UCKL1: variants seen among roughly 807,000 people sequenced by gnomAD.
The protein encoded by UCKL1 is uridine-cytidine kinase 1 like 1.
In UCKL1, 65 loss-of-function variants were observed where a neutral mutation model predicts 59.2. That is an observed-to-expected ratio of 1.10 (90% CI 0.90 to 1.35). The LOEUF (loss-of-function observed/expected upper bound fraction) is 1.35, where lower values mean the gene tolerates loss of function less well. Among genes scored for constraint, UCKL1 ranks in the 40% most tolerant of loss-of-function variants. The probability of loss-of-function intolerance (pLI) is 0.00; values close to 1 mark genes in which losing one functional copy is unlikely to be tolerated. For missense variants in UCKL1, 703 were observed against 784.3 expected (o/e 0.90, Z 1.24); for synonymous variants, 410 against 323.1 (o/e 1.27, Z -2.88).
At chr20:63,947,115 G>A (rs1351964649) in intron 1 of UCKL1, among the ~76,000 whole-genome samples, 1 of 152,012 alleles carries the variant, frequency 6.6e-6, no homozygotes, top group Non-Finnish European at 1.5e-5. Flanking sequence ...CCTGCAGCTG[G>A]GCCACAGGAC....
At chr20:63,946,000 C>T in intron 3 of UCKL1, 25 bp from the exon 4 acceptor site, 1 of 1,613,426 alleles carries the variant, frequency 6.2e-7, no homozygotes, top group South Asian at 1.1e-5. Flanking sequence ...TGTGGAGCAG[C>T]TGTGGGCACA....
At chr20:63,945,285 C>T (rs1046379999) in intron 5 of UCKL1, among the ~76,000 whole-genome samples, 3 of 152,296 alleles carry the variant, frequency 2.0e-5, no homozygotes, top group South Asian at 2.1e-4. Flanking sequence ...ACCTGAGTCA[C>T]ACTCAGCTGT....
In UCKL1 at chr20:63,945,879, T is replaced by C; in HGVS notation, c.508A>G (p.Lys170Glu). The C allele has an allele frequency of 6.2e-7, 1 of 1,613,736 alleles. No individual in the cohort carries two copies. Reference protein sequence around the residue: ...FDFDLIISTLKKLKQGKSVKV... With the variant: ...FDFDLIISTLEKLKQGKSVKV... ...ACACTCTTCCCCTGCTTCAGCTTCT[T>C]GAGGGTGGAAATGATGAGGTCGAAG... The change falls in exon 4 of 15, where the codon AAG (lysine) becomes GAG (glutamate). Residue 170 changes from lysine (K) to glutamate (E), a missense_variant. Coordinates refer to ENST00000354216, the MANE Select transcript of UCKL1 (RefSeq NM_017859.4).
rs150240999 is a variant in UCKL1 at position 63,943,964 on chromosome 20, T to C, written c.907-295A>G. Among the ~76,000 whole-genome samples, 52 of 152,212 alleles carry C rather than the reference T, an allele frequency of 3.4e-4. 1 individual carries two copies. In the East Asian group the frequency reaches 4.1e-3, roughly 12 times the overall value. On this transcript the variant is annotated intron_variant, in intron 7 of 14. Coordinates refer to ENST00000354216, the MANE Select transcript of UCKL1 (RefSeq NM_017859.4). Reference sequence around the variant, plus strand: ...CCACTCAGGCTCCAAGGCCCAGCCATAGAATGCCTCAGGGAGCAGGGGACC... The same window carrying C: ...CCACTCAGGCTCCAAGGCCCAGCCACAGAATGCCTCAGGGAGCAGGGGACC...
intron 1 of UCKL1, among the ~76,000 whole-genome samples, chr20:63,947,036 G>A (rs547191945): frequency 1.6e-3 from 245 of 151,918 alleles, no homozygotes; most frequent in Non-Finnish European, 2.6e-3. Flanking sequence ...ATGAGCTATC[G>A]TGCCACTGCA....
chr20:63,951,455 G>A (rs554078004), intron 1 of UCKL1, among the ~76,000 whole-genome samples: 29 of 152,288 alleles, frequency 1.9e-4, no homozygotes, highest in African/African-American at 6.5e-4. Context: ...TATCTGAGGC[G>A]CCTCTTGGCC....
In UCKL1 at chr20:63,940,067, G is replaced by GGT; in HGVS notation, c.1568-13_1568-12insAC. ...GTCGCCAAAGTTCCCTGGAAAAAGGGGGGGGGGGGTCCAGTGTGGTGGGGC... is the reference window on the plus strand; with the variant it reads ...GTCGCCAAAGTTCCCTGGAAAAAGGGGTGGGGGGGGGTCCAGTGTGGTGGGGC... On this transcript the variant is annotated splice_polypyrimidine_tract_variant and intron_variant, in intron 14 of 14. Transcript: ENST00000354216. 8.7e-7 allele frequency: 1 copy of GGT among 1,147,090 alleles called. No homozygotes were observed. Among genetic ancestry groups the GGT allele is most frequent in the Non-Finnish European group, 1.2e-6 (1 of 836,216 alleles). 71.1% of individuals were successfully genotyped at this position (1,147,090 alleles called of 1,614,324 possible). A position where few individuals can be genotyped will look rare whatever the true frequency, so the allele number is the denominator to read the frequency against.
In UCKL1 at chr20:63,946,646, G is replaced by T; in HGVS notation, c.114-3C>A. 1 of 1,606,334 alleles carries T rather than the reference G, an allele frequency of 6.2e-7. No individual in the cohort carries two copies. ...TGTCCAGGGACTCTGCATTGCTGCT[G>T]CAGAGAGGGATGTACTCGGATGTGG... On this transcript the variant is annotated splice_region_variant and splice_polypyrimidine_tract_variant and intron_variant, in intron 1 of 14. Coordinates refer to ENST00000354216, the MANE Select transcript of UCKL1 (RefSeq NM_017859.4).
intron 5 of UCKL1, among the ~76,000 whole-genome samples, chr20:63,944,964 G>A (rs1035569655): frequency 1.1e-4 from 17 of 152,186 alleles, no homozygotes; most frequent in Non-Finnish European, 2.1e-4. Context: ...AAGGAGTGGG[G>A]AGGTGGGGGT....
intron 7 of UCKL1, 118 bp from the exon 8 acceptor site, chr20:63,943,787 G>T: frequency 6.9e-7 from 1 of 1,446,438 alleles, no homozygotes; most frequent in Non-Finnish European, 9.5e-7. Context: ...GACACAGCCA[G>T]CCATGGGGGG....
intron 5 of UCKL1, 114 bp from the exon 6 acceptor site, chr20:63,944,848 C>T (rs1438026501): frequency 4.6e-6 from 6 of 1,297,488 alleles, no homozygotes; most frequent in Non-Finnish European, 6.3e-6. Context: ...AGAGCCACTT[C>T]CCCAGGGCAC....
intron 1 of UCKL1, chr20:63,953,917 C>T (rs2058111097): frequency 6.6e-6 from 1 of 152,536 alleles, no homozygotes; most frequent in Non-Finnish European, 1.5e-5. Context: ...GCCTGTTCTA[C>T]CACCCCTGGG....
At chr20:63,946,409 A>G (rs2056221512) in intron 2 of UCKL1, 44 bp downstream of exon 2, 2 of 1,513,430 alleles carry the variant, frequency 1.3e-6, no homozygotes, top group South Asian at 2.6e-5. Context: ...GGGGAGCCGG[A>G]GGCAGGCGTC....
At chr20:63,942,563 GAACA>G in intron 8 of UCKL1, 1 of 979,644 alleles carries the variant, frequency 1.0e-6, no homozygotes, top group Non-Finnish European at 1.4e-6. Flanking sequence ...AGAAGGAAGA[GAACA>G]AAGAGAAGGC....
rs1460916906 is a variant in UCKL1, at chr20:63,940,835, G to A, written c.1138C>T (p.Gln380Ter). 6.4e-7 allele frequency: 1 copy of A among 1,561,628 alleles called. No individual in the cohort carries two copies. Among genetic ancestry groups the A allele is most frequent in the Non-Finnish European group, 8.7e-7 (1 of 1,154,172 alleles). ...CACTTGCCCGCATAGTCCTGCCCCT[G>A]CGGGGTCTGTACGACGCAGTCCTGT... ...PFQDCVVQTP[Q>*]GQDYAGKCYA... Residue 380 changes from glutamine to a stop codon, truncating the protein, a stop_gained, in exon 11 of 15, where the codon CAG becomes TAG. Transcript: ENST00000354216. LOFTEE classifies it high-confidence loss of function.
intron 1 of UCKL1, 32 bp downstream of exon 1, chr20:63,956,228 G>T: frequency 1.3e-6 from 2 of 1,488,876 alleles, no homozygotes; most frequent in Non-Finnish European, 1.8e-6. Context: ...CTTCCCGCTC[G>T]CCAGTGGAGT....
At chr20:63,944,986 C>T (rs988626980) in intron 5 of UCKL1, among the ~76,000 whole-genome samples, 6 of 152,116 alleles carry the variant, frequency 3.9e-5, no homozygotes, top group Admixed American at 6.5e-5. Context: ...TCTGGGGATG[C>T]GGTGCTGCCC....
chr20:63,945,202 G>T (rs374584048), intron 5 of UCKL1, among the ~76,000 whole-genome samples: 14 of 152,310 alleles, frequency 9.2e-5, no homozygotes, highest in African/African-American at 3.1e-4. Context: ...GAGGCTGGGG[G>T]CTGCTATGTG....
chr20:63,946,961 G>A (rs991534916), intron 1 of UCKL1, among the ~76,000 whole-genome samples: 2 of 152,194 alleles, frequency 1.3e-5, no homozygotes, highest in South Asian at 2.1e-4. Context: ...GTGGGTGCCT[G>A]TAATCCCAGC....
Sources: allele counts gnomAD v4.1 joint callset (sites outside exome capture counted in the v4.1 genomes callset), GRCh38; gene constraint gnomAD v4.1.1; transcripts MANE v1.5; gene names NCBI Gene and HGNC (gene_info 2026-07-23, HGNC 2026-07-21).